The following AMPH variants were observed in gnomAD, a reference collection of about 807,000 sequenced individuals.
AMPH encodes the protein amphiphysin, also known as amphiphysin (Stiff-Mann syndrome with breast cancer 128kD autoantigen).
AMPH carries 49 observed loss-of-function variants against 99.1 expected under a neutral mutation model. That is an observed-to-expected ratio of 0.49 (90% CI 0.39 to 0.63). The LOEUF (loss-of-function observed/expected upper bound fraction) is 0.63. AMPH is among the 20% of genes least tolerant of loss of function. AMPH has a pLI of 0.00. For synonymous variants in AMPH, 314 were observed against 317.3 expected (o/e 0.99, Z 0.11); for missense variants, 759 against 863.4 (o/e 0.88, Z 1.52).
intron 9 of AMPH, among the ~76,000 whole-genome samples, chr7:38,463,446 T>A (rs1787532643): frequency 6.6e-6 from 1 of 152,214 alleles, no homozygotes; most frequent in Admixed American, 6.5e-5. Flanking sequence ...TGAATTCAGG[T>A]CTTAGTAATG....
chr7:38,478,291 A>C (rs1332917613), intron 5 of AMPH, among the ~76,000 whole-genome samples: 1 of 152,128 alleles, frequency 6.6e-6, no homozygotes, highest in Non-Finnish European at 1.5e-5. Flanking sequence ...AAGGGCCCCC[A>C]AGTCAGGCTT....
intron 15 of AMPH, among the ~76,000 whole-genome samples, chr7:38,425,137 C>T (rs967603557): frequency 6.6e-6 from 1 of 152,138 alleles, no homozygotes; most frequent in Non-Finnish European, 1.5e-5. Flanking sequence ...GTGCTCCACC[C>T]AAATGAATGA....
intron 5 of AMPH, among the ~76,000 whole-genome samples, chr7:38,490,801 G>A (rs144503198): frequency 4.5e-4 from 68 of 152,200 alleles, no homozygotes; most frequent in African/African-American, 1.5e-3. Context: ...TATATCTATA[G>A]GTTTAAAAAG....
At chr7:38,532,530 T>C (rs541716322) in intron 2 of AMPH, among the ~76,000 whole-genome samples, 10 of 152,178 alleles carry the variant, frequency 6.6e-5, no homozygotes, top group Admixed American at 1.3e-4. Context: ...TCATGGGTGC[T>C]AATATACTAT....
At chr7:38,528,020 T>C (rs57760385) in intron 2 of AMPH, among the ~76,000 whole-genome samples, 1 of 152,084 alleles carries the variant, frequency 6.6e-6, no homozygotes, top group Non-Finnish European at 1.5e-5. Context: ...ATTTTTTTCC[T>C]TACCTTGTTT....
intron 1 of AMPH, among the ~76,000 whole-genome samples, chr7:38,544,549 G>T (rs1406358903): frequency 6.6e-6 from 1 of 152,332 alleles, no homozygotes; most frequent in East Asian, 1.9e-4. Context: ...GGGAGGAAGG[G>T]TCTCCTGGTT....
chr7:38,621,921 A>T (rs1217202816), intron 1 of AMPH, among the ~76,000 whole-genome samples: 4 of 152,214 alleles, frequency 2.6e-5, no homozygotes, highest in Non-Finnish European at 4.4e-5. Flanking sequence ...TTAAATTTAG[A>T]TCTCAAATCA....
At chr7:38,429,653 G>T in intron 14 of AMPH, 189 bp downstream of exon 14, 1 of 1,377,206 alleles carries the variant, frequency 7.3e-7, no homozygotes, top group Non-Finnish European at 9.7e-7. Flanking sequence ...GATTTGATGA[G>T]AAACACAAAG....
At chr7:38,502,452 G>A (rs986880887) in intron 3 of AMPH, among the ~76,000 whole-genome samples, 1 of 152,162 alleles carries the variant, frequency 6.6e-6, no homozygotes, top group African/African-American at 2.4e-5. Flanking sequence ...CCAACCGAGA[G>A]ATTAATTCCT....
At chr7:38,497,046 G>A (rs1788957842) in intron 3 of AMPH, among the ~76,000 whole-genome samples, 2 of 152,126 alleles carry the variant, frequency 1.3e-5, no homozygotes, top group African/African-American at 4.8e-5. Flanking sequence ...ATTACAGGGT[G>A]GATAAGTGGT....
intron 1 of AMPH, among the ~76,000 whole-genome samples, chr7:38,594,427 C>G (rs1162233689): frequency 6.6e-6 from 1 of 152,160 alleles, no homozygotes; most frequent in Admixed American, 6.5e-5. Flanking sequence ...TGACTGCTTC[C>G]CTACCTGGTA....
chr7:38,536,242 A>C (rs759103113), intron 1 of AMPH, among the ~76,000 whole-genome samples: 75 of 152,224 alleles, frequency 4.9e-4, no homozygotes, highest in Non-Finnish European at 1.0e-3. Context: ...GCCTTTAAAA[A>C]GTAGGGCAGA....
chr7:38,520,280 T>G lies in AMPH; in HGVS notation c.150+14651A>C, dbSNP rs117118246. On this transcript the variant is annotated intron_variant, in intron 2 of 20. Transcript: ENST00000356264. ...ATAAACTCTCCCTAGTCATAGTATATTATCCTCTTAATATAGTGATGACTT... is the reference window on the plus strand; with the variant it reads ...ATAAACTCTCCCTAGTCATAGTATAGTATCCTCTTAATATAGTGATGACTT... Among the ~76,000 whole-genome samples, 59 of 152,322 alleles carry G rather than the reference T, an allele frequency of 3.9e-4. No homozygotes were observed. The East Asian group carries it at 0.011, about 29-fold the overall frequency.
chr7:38,529,693 T>C (rs1415940653), intron 2 of AMPH, among the ~76,000 whole-genome samples: 1 of 152,180 alleles, frequency 6.6e-6, no homozygotes, highest in Non-Finnish European at 1.5e-5. Flanking sequence ...ACAGATCTGA[T>C]GGGATCACAT....
chr7:38,560,770 T>C (rs1449461906), intron 1 of AMPH, among the ~76,000 whole-genome samples: 1 of 152,220 alleles, frequency 6.6e-6, no homozygotes, highest in African/African-American at 2.4e-5. Flanking sequence ...CAAGGCTAGC[T>C]GCAGCACAGC....
chr7:38,589,926 A>G (rs567074904), intron 1 of AMPH, among the ~76,000 whole-genome samples: 2 of 152,364 alleles, frequency 1.3e-5, no homozygotes, highest in Non-Finnish European at 2.9e-5. Flanking sequence ...CACAGAATGG[A>G]TAAAAACAGT....
intron 1 of AMPH, among the ~76,000 whole-genome samples, chr7:38,542,377 T>C (rs1412146059): frequency 6.6e-6 from 1 of 152,210 alleles, no homozygotes; most frequent in African/African-American, 2.4e-5. Context: ...TTGCACAGAA[T>C]AATGCAATGA....
chr7:38,451,259 T>A (rs1726430694), intron 11 of AMPH, among the ~76,000 whole-genome samples: 1 of 149,006 alleles, frequency 6.7e-6, no homozygotes, highest in Admixed American at 6.8e-5. Flanking sequence ...ACACACATAT[T>A]TATGTGTGCA....
At chr7:38,502,762 C>G (rs1018792258) in intron 3 of AMPH, among the ~76,000 whole-genome samples, 6 of 152,126 alleles carry the variant, frequency 3.9e-5, no homozygotes, top group Admixed American at 2.0e-4. Flanking sequence ...ACTCTGGGTC[C>G]CTTCTTCGGC....
Sources: gnomAD v4.1 joint callset for allele counts (sites outside exome capture counted in the v4.1 genomes callset) on GRCh38, gnomAD v4.1.1 for gene constraint, MANE v1.5 for transcripts, NCBI Gene and HGNC (gene_info 2026-07-23, HGNC 2026-07-21) for gene names.